AGBL4: variants seen among roughly 807,000 people sequenced by gnomAD.
The protein encoded by AGBL4 is cytosolic carboxypeptidase 6.
AGBL4 carries 58 observed loss-of-function variants against 66.4 expected under a neutral mutation model. That is an observed-to-expected ratio of 0.87 (90% CI 0.71 to 1.09). The LOEUF (loss-of-function observed/expected upper bound fraction) is 1.09. AGBL4 is among the 50% of genes least tolerant of loss of function. The pLI is 0.00. For missense variants in AGBL4, 579 were observed against 631.0 expected (o/e 0.92, Z 0.88); for synonymous variants, 234 against 222.9 (o/e 1.05, Z -0.44).
At position 49,175,243 on chromosome 1, in the gene AGBL4, G is replaced by A. The variant is rs566916820; in HGVS notation, c.377+70527C>T. On this transcript the variant is annotated intron_variant, in intron 4 of 13. Coordinates refer to ENST00000371839, the MANE Select transcript of AGBL4 (RefSeq NM_032785.4). ...ACTGTAAGTTGATAAGGAGGGAAAT[G>A]GGCATATAAGGGGGATCAGGGGCAT... Among the ~76,000 whole-genome samples the A allele has an allele frequency of 4.6e-5, 7 of 151,862 alleles. No homozygotes were observed. The South Asian group carries it at 1.2e-3, about 27-fold the overall frequency.
At chr1:48,568,273 T>C (rs1291260021) in intron 11 of AGBL4, among the ~76,000 whole-genome samples, 3 of 152,138 alleles carry the variant, frequency 2.0e-5, no homozygotes, top group Non-Finnish European at 4.4e-5. Context: ...ATTTCATCTA[T>C]TTTTTTAAAC....
At chr1:48,690,567 A>G (rs1233006691) in intron 6 of AGBL4, among the ~76,000 whole-genome samples, 1 of 152,222 alleles carries the variant, frequency 6.6e-6, no homozygotes, top group African/African-American at 2.4e-5. Context: ...TCACACTGAC[A>G]TTAGTGGCAA....
At chr1:49,821,900 C>T (rs1645379124) in intron 2 of AGBL4, among the ~76,000 whole-genome samples, 1 of 151,994 alleles carries the variant, frequency 6.6e-6, no homozygotes, top group Admixed American at 6.6e-5. Context: ...GTTATCAATT[C>T]TTTTTTTAAC....
chr1:49,420,882 C>G (rs1645531941), intron 3 of AGBL4, among the ~76,000 whole-genome samples: 1 of 152,128 alleles, frequency 6.6e-6, no homozygotes, highest in Non-Finnish European at 1.5e-5. Context: ...GTGCATAAGA[C>G]AGCTATTCCT....
chr1:49,860,099 A>T (rs1421113235), intron 1 of AGBL4, among the ~76,000 whole-genome samples: 2 of 152,230 alleles, frequency 1.3e-5, no homozygotes, highest in African/African-American at 2.4e-5. Flanking sequence ...AAACCTTGTG[A>T]ATGGATTGGA....
intron 3 of AGBL4, among the ~76,000 whole-genome samples, chr1:49,575,890 G>A (rs541293012): frequency 2.6e-5 from 4 of 152,214 alleles, no homozygotes; most frequent in African/African-American, 4.8e-5. Context: ...GACCTTCATC[G>A]CTTTTTGCTT....
intron 4 of AGBL4, among the ~76,000 whole-genome samples, chr1:49,116,613 T>A (rs1569640716): frequency 6.6e-6 from 1 of 152,256 alleles, no homozygotes; most frequent in Admixed American, 6.5e-5. Context: ...CTTGATCCAT[T>A]CTATCATTGA....
chr1:48,711,630 C>G (rs1428957055), intron 6 of AGBL4, among the ~76,000 whole-genome samples: 2 of 152,110 alleles, frequency 1.3e-5, no homozygotes, highest in African/African-American at 4.8e-5. Flanking sequence ...CTGCCTGGGT[C>G]GAGTATGGAA....
chr1:49,448,419 G>C (rs2148678441), intron 3 of AGBL4, among the ~76,000 whole-genome samples: 1 of 152,254 alleles, frequency 6.6e-6, no homozygotes, highest in Admixed American at 6.5e-5. Context: ...ACTTCAAAGA[G>C]AAAGAGAAAC....
chr1:49,796,448 A>G (rs537613235), intron 2 of AGBL4, among the ~76,000 whole-genome samples: 1 of 151,828 alleles, frequency 6.6e-6, no homozygotes, highest in African/African-American at 2.4e-5. Flanking sequence ...ACAATAGGGA[A>G]ATCACTAAAT....
chr1:49,913,024 C>T (rs1167527691), intron 1 of AGBL4, among the ~76,000 whole-genome samples: 1 of 152,210 alleles, frequency 6.6e-6, no homozygotes, highest in African/African-American at 2.4e-5. Context: ...TTAAAGGGGA[C>T]ATTCAAACCA....
intron 3 of AGBL4, among the ~76,000 whole-genome samples, chr1:49,458,552 C>G (rs942498189): frequency 1.3e-5 from 2 of 151,672 alleles, no homozygotes; most frequent in African/African-American, 4.8e-5. Context: ...ACTTCCTTCT[C>G]TTGTGTGATT....
At chr1:49,641,186 G>C (rs1285281904) in intron 3 of AGBL4, among the ~76,000 whole-genome samples, 1 of 152,082 alleles carries the variant, frequency 6.6e-6, no homozygotes, top group Admixed American at 6.6e-5. Context: ...CAACTTCAAA[G>C]CTGGGTAGTA....
intron 1 of AGBL4, among the ~76,000 whole-genome samples, chr1:49,969,119 A>C (rs985323512): frequency 6.6e-6 from 1 of 152,226 alleles, no homozygotes; most frequent in Non-Finnish European, 1.5e-5. Context: ...GCACACATAC[A>C]TTAAACTATC....
At chr1:49,348,400 GACAGAGCGAC>G (rs993681123) in intron 3 of AGBL4, among the ~76,000 whole-genome samples, 11 of 151,554 alleles carry the variant, frequency 7.3e-5, no homozygotes, top group African/African-American at 2.4e-4. Context: ...CAGCCTGGGT[GACAGAGCGAC>G]ACTCCGTCTC....
At chr1:50,006,788 A>G (rs933343091) in intron 1 of AGBL4, among the ~76,000 whole-genome samples, 8 of 152,220 alleles carry the variant, frequency 5.3e-5, no homozygotes, top group African/African-American at 1.9e-4. Flanking sequence ...GAGGGATTTC[A>G]TCAACACTGG....
intron 4 of AGBL4, among the ~76,000 whole-genome samples, chr1:49,170,028 G>A (rs1646705392): frequency 1.3e-5 from 2 of 151,494 alleles, no homozygotes; most frequent in South Asian, 4.2e-4. Context: ...GTACAAATTG[G>A]GTACAATGTA....
intron 2 of AGBL4, among the ~76,000 whole-genome samples, chr1:49,815,223 C>G (rs1306827699): frequency 6.6e-6 from 1 of 152,140 alleles, no homozygotes; most frequent in Non-Finnish European, 1.5e-5. Context: ...AACTTCATGA[C>G]TTCAATTACT....
chr1:49,144,725 G>C (rs1646184582), intron 4 of AGBL4, among the ~76,000 whole-genome samples: 1 of 152,126 alleles, frequency 6.6e-6, no homozygotes, highest in Admixed American at 6.5e-5. Flanking sequence ...AGGAGAAAGG[G>C]AGACAGACTG....
Sources: gnomAD v4.1 joint callset for allele counts (sites outside exome capture counted in the v4.1 genomes callset) on GRCh38, gnomAD v4.1.1 for gene constraint, MANE v1.5 for transcripts, NCBI Gene and HGNC (gene_info 2026-07-23, HGNC 2026-07-21) for gene names.